The following PAFAH1B2 variants were observed in gnomAD, a reference collection of about 807,000 sequenced individuals.
PAFAH1B2 encodes platelet-activating factor acetylhydrolase IB subunit alpha2.
Under a neutral mutation model 28.0 loss-of-function variants are expected in PAFAH1B2, and 8 were observed. The ratio of observed to expected loss-of-function variants is 0.29; its 90% CI spans 0.17 to 0.52. The LOEUF is 0.52. Among genes scored for constraint, PAFAH1B2 ranks in the 20% least tolerant of loss-of-function variants. The pLI is 0.97. For missense variants in PAFAH1B2, 190 were observed against 282.6 expected, an observed-to-expected ratio of 0.67 and a Z score of 2.35; for synonymous variants, 104 against 103.2, an observed-to-expected ratio of 1.01 and a Z score of -0.05.
rs943704758 is a variant in PAFAH1B2, at chr11:117,169,589, G to C, written c.*1890G>C. ...GAAGTCTCTTTCTAGAAAATTTTTTGGTTTTGTTCTTTTTAAAAAATACAT... is the reference window on the plus strand; with the variant it reads ...GAAGTCTCTTTCTAGAAAATTTTTTCGTTTTGTTCTTTTTAAAAAATACAT... On this transcript the variant is annotated 3_prime_UTR_variant, in exon 6 of 6. Coordinates refer to ENST00000527958, the MANE Select transcript of PAFAH1B2 (RefSeq NM_002572.4). 5 of 1,052,970 alleles carry C rather than the reference G, an allele frequency of 4.7e-6. No individual in the cohort carries two copies. In the African/African-American group the frequency reaches 8.3e-5, roughly 17 times the overall value. 65.2% of individuals were successfully genotyped at this position (1,052,970 alleles called of 1,614,324 possible).
rs1305322547 is a variant in PAFAH1B2, at chr11:117,167,711, CA to C, written c.*13del. 4 of 1,527,460 alleles carry C rather than the reference CA, an allele frequency of 2.6e-6. 1 individual carries two copies. In the East Asian group the frequency reaches 9.2e-5, roughly 35 times the overall value. The allele number at this position is 1,527,460 out of a possible 1,614,324, so 94.6% of individuals were successfully genotyped here. A position where few individuals can be genotyped will look rare whatever the true frequency, so the allele number is the denominator to read the frequency against. On this transcript the variant is annotated 3_prime_UTR_variant, in exon 6 of 6. Transcript: ENST00000527958. ...CCACCATTGCCTGACTGGCTCTTAT[CA>C]GTGTTAATAGCATCTCAGCTTCCTC... is the stretch of plus-strand genomic sequence containing the variant.
intron 1 of PAFAH1B2, among the ~76,000 whole-genome samples, chr11:117,149,033 A>ATT (rs71037462): frequency 8.0e-4 from 95 of 118,604 alleles, no homozygotes; most frequent in East Asian, 2.8e-3. Context: ...ACACCTGCCA[A>ATT]TTTTTTTTTT....
chr11:117,156,147 A>G (rs1020727228), intron 2 of PAFAH1B2, among the ~76,000 whole-genome samples: 23 of 152,196 alleles, frequency 1.5e-4, no homozygotes, highest in Admixed American at 6.6e-4. Context: ...GTGATCATGC[A>G]CTGCACTCCA....
Position 117,146,132 on chromosome 11 carries a change from T to TTG in PAFAH1B2, c.-8+1723_-8+1724dup, listed in dbSNP as rs1298967257. On this transcript the variant is annotated intron_variant, in intron 1 of 5. Coordinates refer to ENST00000527958, the MANE Select transcript of PAFAH1B2 (RefSeq NM_002572.4). Reference sequence around the variant, plus strand: ...TTTCTTTCTTTTTTTTTTTTTTTTTTTGTGTGTGTGACGGAGTCTCAGTCT... The same window carrying TTG: ...TTTCTTTCTTTTTTTTTTTTTTTTTTTGTGTGTGTGTGACGGAGTCTCAGTCT... 3.3e-4 allele frequency among the ~76,000 whole-genome samples: 44 copies of TTG among 132,764 alleles called. 1 individual carries two copies. The highest frequency in any genetic ancestry group is 1.0e-3 in the East Asian group (5 of 4,774). 87.1% of individuals were successfully genotyped at this position (132,764 alleles called of 152,430 possible). A position where few individuals can be genotyped will look rare whatever the true frequency, so the allele number is the denominator to read the frequency against.
Position 117,168,077 on chromosome 11 carries a change from C to T in PAFAH1B2, c.*378C>T. ...GGATTATGTCATATATAATAATTAT[C>T]AGAATCATTCTACTTGGCTTTAAAA... On this transcript the variant is annotated 3_prime_UTR_variant, in exon 6 of 6. Coordinates refer to ENST00000527958, the MANE Select transcript of PAFAH1B2 (RefSeq NM_002572.4). 2 of 1,056,740 alleles carry T rather than the reference C, an allele frequency of 1.9e-6. No individual in the cohort carries two copies. The highest frequency in any genetic ancestry group is 2.3e-6 in the Non-Finnish European group (2 of 872,846). 65.5% of individuals were successfully genotyped at this position (1,056,740 alleles called of 1,614,324 possible).
chr11:117,146,257 TG>T (rs1956005239), intron 1 of PAFAH1B2, among the ~76,000 whole-genome samples: 1 of 151,816 alleles, frequency 6.6e-6, no homozygotes, highest in Non-Finnish European at 1.5e-5. Flanking sequence ...CAGCTAATTT[TG>T]TATTTTTTTT....
rs1201992626 is a variant in PAFAH1B2, at chr11:117,144,306, C to T, written c.-120C>T. 2 of 388,898 alleles carry T rather than the reference C, an allele frequency of 5.1e-6. No homozygotes were observed. The highest frequency in any genetic ancestry group is 2.7e-5 in the Admixed American group (1 of 36,534). 24.1% of individuals were successfully genotyped at this position (388,898 alleles called of 1,614,324 possible). ...GGAAGTGGAGGAGCTGCTGCTGGTG[C>T]TGGGGCCGGAGGAGGGACGCGCCGG... On this transcript the variant is annotated 5_prime_UTR_variant, in exon 1 of 6. Coordinates refer to ENST00000527958, the MANE Select transcript of PAFAH1B2 (RefSeq NM_002572.4).
chr11:117,164,340 G>A (rs1274550388), intron 5 of PAFAH1B2, among the ~76,000 whole-genome samples: 2 of 152,126 alleles, frequency 1.3e-5, no homozygotes, highest in African/African-American at 2.4e-5. Flanking sequence ...TTGGGAGGCA[G>A]AGCTTACAGT....
intron 1 of PAFAH1B2, among the ~76,000 whole-genome samples, chr11:117,148,313 C>T (rs1158085866): frequency 1.3e-5 from 2 of 152,028 alleles, no homozygotes; most frequent in Non-Finnish European, 2.9e-5. Context: ...TCGGCCCCCC[C>T]AAAATGCTGG....
At chr11:117,165,232 G>A (rs1486450791) in intron 5 of PAFAH1B2, among the ~76,000 whole-genome samples, 2 of 151,148 alleles carry the variant, frequency 1.3e-5, no homozygotes, top group African/African-American at 2.4e-5. Flanking sequence ...GATTACAGAC[G>A]TGAGCCATCA....
chr11:117,164,484 C>T (rs1956454289), intron 5 of PAFAH1B2, among the ~76,000 whole-genome samples: 1 of 151,906 alleles, frequency 6.6e-6, no homozygotes, highest in Non-Finnish European at 1.5e-5. Flanking sequence ...CACAATGGCA[C>T]ATGAGATTTG....
chr11:117,164,003 T>G lies in PAFAH1B2; in HGVS notation c.411+111T>G, dbSNP rs899352868. 1.2e-5 allele frequency: 13 copies of G among 1,125,528 alleles called. No homozygotes were observed. In the African/African-American group the frequency reaches 2.0e-4, roughly 18 times the overall value. 69.7% of individuals were successfully genotyped at this position (1,125,528 alleles called of 1,614,324 possible). The stretch of plus-strand genomic sequence containing the variant: ...AGAGAACCTTGAGGTGGAAGCAGTT[T>G]ATCATACTTTCGTTGACCTCTTCTT... On this transcript the variant is annotated intron_variant, in intron 5 of 5. Transcript: ENST00000527958.
At chr11:117,157,568 T>TA (rs1323335560) in intron 2 of PAFAH1B2, among the ~76,000 whole-genome samples, 7 of 152,296 alleles carry the variant, frequency 4.6e-5, no homozygotes, top group African/African-American at 1.7e-4. Flanking sequence ...CAGAAATACT[T>TA]AAATAGTAAC....
Position 117,169,562 on chromosome 11 carries a change from G to C in PAFAH1B2, c.*1863G>C. The C allele has an allele frequency of 9.5e-7, 1 of 1,055,462 alleles. No individual in the cohort carries two copies. Among genetic ancestry groups the C allele is most frequent in the Non-Finnish European group, 1.1e-6 (1 of 873,088 alleles). The allele number at this position is 1,055,462 out of a possible 1,614,324, so 65.4% of individuals were successfully genotyped here. A position where few individuals can be genotyped will look rare whatever the true frequency, so the allele number is the denominator to read the frequency against. On this transcript the variant is annotated 3_prime_UTR_variant, in exon 6 of 6. Transcript: ENST00000527958. ...TGAACCTTGGGCTCATTTTTTTCTTGTGAAGTCTCTTTCTAGAAAATTTTT... is the reference window on the plus strand; with the variant it reads ...TGAACCTTGGGCTCATTTTTTTCTTCTGAAGTCTCTTTCTAGAAAATTTTT...
In PAFAH1B2 at chr11:117,169,913, A is replaced by G. The variant is rs1245674377; in HGVS notation, c.*2214A>G. 2 of 1,053,578 alleles carry G rather than the reference A, an allele frequency of 1.9e-6. No homozygotes were observed. The highest frequency in any genetic ancestry group is 5.5e-5 in the Admixed American group (1 of 18,324). The allele number at this position is 1,053,578 out of a possible 1,614,324, so 65.3% of individuals were successfully genotyped here. On this transcript the variant is annotated 3_prime_UTR_variant, in exon 6 of 6. Transcript: ENST00000527958. ...GCATGCGCTTTTAGCTTCTCTCTTG[A>G]CTGAGGATCAAATATCCCTTTGTGA... is the stretch of plus-strand genomic sequence containing the variant.
Position 117,169,637 on chromosome 11 carries a change from T to C in PAFAH1B2, c.*1938T>C. 1.3e-5 allele frequency: 14 copies of C among 1,051,912 alleles called. No individual in the cohort carries two copies. Among genetic ancestry groups the C allele is most frequent in the Non-Finnish European group, 1.6e-5 (14 of 869,946 alleles). 65.2% of individuals were successfully genotyped at this position (1,051,912 alleles called of 1,614,324 possible). A position where few individuals can be genotyped will look rare whatever the true frequency, so the allele number is the denominator to read the frequency against. ...CATACTTTTTTGAATGTATCATGTCTTCATTAACAACAGAAAATCCACATG... is the reference window on the plus strand; with the variant it reads ...CATACTTTTTTGAATGTATCATGTCCTCATTAACAACAGAAAATCCACATG... On this transcript the variant is annotated 3_prime_UTR_variant, in exon 6 of 6. Transcript: ENST00000527958.
chr11:117,144,553 C>A lies in PAFAH1B2; in HGVS notation c.-8+135C>A, dbSNP rs943998523. 7 of 176,330 alleles carry A rather than the reference C, an allele frequency of 4.0e-5. No individual in the cohort carries two copies. The Admixed American group carries it at 4.4e-4, about 11-fold the overall frequency. 10.9% of individuals were successfully genotyped at this position (176,330 alleles called of 1,614,324 possible). ...GCCCCTCCCCCCACGCCGCCCCATC[C>A]ACTTGGGGGGGGCCTCGCGAGCGCG... On this transcript the variant is annotated intron_variant, in intron 1 of 5. Coordinates refer to ENST00000527958, the MANE Select transcript of PAFAH1B2 (RefSeq NM_002572.4).
At chr11:117,155,971 G>A (rs1956245972) in intron 2 of PAFAH1B2, among the ~76,000 whole-genome samples, 1 of 152,046 alleles carries the variant, frequency 6.6e-6, no homozygotes, top group South Asian at 2.1e-4. Flanking sequence ...CCAGTAGATT[G>A]TTTGAGGCCA....
rs758271374 is a variant in PAFAH1B2, at chr11:117,152,572, C to T, written c.81+44C>T. On this transcript the variant is annotated intron_variant, in intron 2 of 5. Coordinates refer to ENST00000527958, the MANE Select transcript of PAFAH1B2 (RefSeq NM_002572.4). Reference sequence around the variant, plus strand: ...GTATCATTCACATGAGTTGAGTCTCCAGTTTTTTGTCTGTTTTGTTTTAGT... The same window carrying T: ...GTATCATTCACATGAGTTGAGTCTCTAGTTTTTTGTCTGTTTTGTTTTAGT... The T allele has an allele frequency of 4.4e-6, 6 of 1,366,550 alleles. No individual in the cohort carries two copies. The Admixed American group carries it at 5.0e-5, about 11-fold the overall frequency. The allele number at this position is 1,366,550 out of a possible 1,614,324, so 84.7% of individuals were successfully genotyped here. A position where few individuals can be genotyped will look rare whatever the true frequency, so the allele number is the denominator to read the frequency against.
Sources: allele counts gnomAD v4.1 joint callset (sites outside exome capture counted in the v4.1 genomes callset), GRCh38; gene constraint gnomAD v4.1.1; transcripts MANE v1.5; gene names NCBI Gene and HGNC (gene_info 2026-07-23, HGNC 2026-07-21).